The following NFATC2 variants were observed in gnomAD, a reference collection of about 807,000 sequenced individuals.
NFATC2 encodes the protein nuclear factor of activated T-cells, cytoplasmic 2.
NFATC2 carries 22 observed loss-of-function variants against 87.3 expected under a neutral mutation model. The ratio of observed to expected loss-of-function variants is 0.25; its 90% CI spans 0.18 to 0.36. NFATC2 has a LOEUF of 0.36. Among genes scored for constraint, NFATC2 ranks in the 10% least tolerant of loss-of-function variants. NFATC2 has a pLI of 1.00. For synonymous variants in NFATC2, 565 were observed against 542.2 expected (o/e 1.04, Z -0.58); for missense variants, 1,149 against 1,259.1 (o/e 0.91, Z 1.32).
intron 5 of NFATC2, among the ~76,000 whole-genome samples, chr20:51,458,526 C>T (rs961431720): frequency 6.6e-6 from 1 of 151,704 alleles, no homozygotes; most frequent in African/African-American, 2.4e-5. Context: ...AAGCCAGGTG[C>T]GGTGGCTCAC....
chr20:51,487,022 G>T (rs915837135), intron 3 of NFATC2, among the ~76,000 whole-genome samples: 1 of 152,202 alleles, frequency 6.6e-6, no homozygotes. Flanking sequence ...TGAGGCATGC[G>T]CAGTGCTCCC....
intron 6 of NFATC2, chr20:51,453,076 A>G (rs901205931): frequency 1.2e-3 from 193 of 154,720 alleles, no homozygotes; most frequent in African/African-American, 4.4e-3. Flanking sequence ...TCCCTTCCCC[A>G]CTGCCACAGC....
rs376741043 is a variant in NFATC2, at chr20:51,396,984, CTCATCTCCGCCTCCAGGT to C, written c.*44+1641_*44+1658del. 9.5e-3 allele frequency among the ~76,000 whole-genome samples: 1,438 copies of C among 152,080 alleles called. 28 individuals carry two copies. Among genetic ancestry groups the C allele is most frequent in the African/African-American group, 0.034 (1,392 of 41,444 alleles). On this transcript the variant is annotated intron_variant, in intron 10 of 10. Coordinates refer to ENST00000371564, the MANE Select transcript of NFATC2 (RefSeq NM_012340.5). ...CTGGAGTGCAGTGGCGCCATCTCGGCTCATCTCCGCCTCCAGGTTCAAGCGATTCTCCTGCCTCAACCT... is the reference window on the plus strand; with the variant it reads ...CTGGAGTGCAGTGGCGCCATCTCGGCTCAAGCGATTCTCCTGCCTCAACCT...
intron 9 of NFATC2, among the ~76,000 whole-genome samples, chr20:51,403,383 T>C (rs991798430): frequency 6.6e-6 from 1 of 152,174 alleles, no homozygotes; most frequent in Non-Finnish European, 1.5e-5. Context: ...CAGCAAGGAC[T>C]GTATTCATGG....
At chr20:51,458,880 T>C (rs966348880) in intron 5 of NFATC2, among the ~76,000 whole-genome samples, 9 of 152,194 alleles carry the variant, frequency 5.9e-5, no homozygotes. Flanking sequence ...GTACCATCAC[T>C]GCAGGGTAAT....
intron 3 of NFATC2, among the ~76,000 whole-genome samples, chr20:51,496,313 G>C (rs2075987536): frequency 6.6e-6 from 1 of 152,116 alleles, no homozygotes; most frequent in Non-Finnish European, 1.5e-5. Context: ...TTAAAGCCCT[G>C]AGCGTGTCAA....
chr20:51,516,535 A>C (rs1463509419), intron 3 of NFATC2, among the ~76,000 whole-genome samples: 1 of 152,254 alleles, frequency 6.6e-6, no homozygotes, highest in Non-Finnish European at 1.5e-5. Flanking sequence ...CAGAAAGAGA[A>C]GGGAAGAAGC....
At chr20:51,472,735 A>G (rs1988345978) in intron 5 of NFATC2, among the ~76,000 whole-genome samples, 1 of 146,306 alleles carries the variant, frequency 6.8e-6, no homozygotes, top group African/African-American at 2.5e-5. Context: ...TCCCGGATTC[A>G]AGTGATTCTC....
intron 1 of NFATC2, among the ~76,000 whole-genome samples, chr20:51,551,133 T>C (rs973661043): frequency 6.6e-6 from 1 of 152,196 alleles, no homozygotes; most frequent in African/African-American, 2.4e-5. Context: ...ATATAACTTA[T>C]ACACAGATGC....
chr20:51,461,512 G>A (rs1290671438), intron 5 of NFATC2, among the ~76,000 whole-genome samples: 1 of 152,172 alleles, frequency 6.6e-6, no homozygotes, highest in African/African-American at 2.4e-5. Flanking sequence ...TGGCTTGGGG[G>A]GGCTCTTGTA....
intron 2 of NFATC2, among the ~76,000 whole-genome samples, chr20:51,521,330 T>C (rs1435446154): frequency 6.6e-6 from 1 of 151,628 alleles, no homozygotes; most frequent in African/African-American, 2.4e-5. Flanking sequence ...TTATTTTTAT[T>C]TTTTTTTTGA....
At chr20:51,551,072 TC>T (rs375958488) in intron 1 of NFATC2, among the ~76,000 whole-genome samples, 22 of 152,314 alleles carry the variant, frequency 1.4e-4, no homozygotes, top group African/African-American at 5.3e-4. Context: ...AAAAACCATC[TC>T]CCTTCAACGG....
chr20:51,486,247 T>C (rs1396570606), intron 3 of NFATC2, among the ~76,000 whole-genome samples: 3 of 151,720 alleles, frequency 2.0e-5, no homozygotes, highest in African/African-American at 4.8e-5. Flanking sequence ...AAACTGCCCA[T>C]TGCAGCCGAC....
At chr20:51,554,767 T>TGGTGATTAGCTA (rs1325393226) in intron 1 of NFATC2, among the ~76,000 whole-genome samples, 1 of 152,212 alleles carries the variant, frequency 6.6e-6, no homozygotes, top group Admixed American at 6.5e-5. Context: ...TGAGTCATGC[T>TGGTGATTAGCTA]ATTCCTGGGT....
upstream of NFATC2, among the ~76,000 whole-genome samples, chr20:51,544,812 A>G (rs146345439): frequency 9.1e-4 from 139 of 152,296 alleles, no homozygotes; most frequent in Non-Finnish European, 1.6e-3. Flanking sequence ...GATGCTTCCA[A>G]TGTGTGGCCA....
chr20:51,540,658 G>GTTTTTTTTTTTTTTTTTTTTTTTT (rs397864888), intron 1 of NFATC2, among the ~76,000 whole-genome samples: 2 of 110,054 alleles, frequency 1.8e-5, no homozygotes, highest in African/African-American at 7.4e-5. Context: ...TTTTTTTTTT[G>GTTTTTTTTTTTTTTTTTTTTTTTT]TTTTTTTTTT....
At chr20:51,542,759 G>GGGC (rs1190677963), upstream of NFATC2, 1 of 237,098 alleles carries the variant, frequency 4.2e-6, no homozygotes, top group Admixed American at 7.4e-5. Context: ...CGGGGGGGGG[G>GGGC]GGGGCGTGGA....
chr20:51,413,575 T>A (rs148274171), intron 9 of NFATC2, among the ~76,000 whole-genome samples: 29 of 151,972 alleles, frequency 1.9e-4, no homozygotes, highest in Admixed American at 7.2e-4. Context: ...CCGGGCAACA[T>A]AGTGAAACCC....
chr20:51,414,712 G>A (rs1218860194), intron 9 of NFATC2, among the ~76,000 whole-genome samples: 1 of 151,682 alleles, frequency 6.6e-6, no homozygotes, highest in Non-Finnish European at 1.5e-5. Context: ...AAAAGTCACA[G>A]GAGAGCAGGA....
Sources: allele counts gnomAD v4.1 joint callset (sites outside exome capture counted in the v4.1 genomes callset), GRCh38; gene constraint gnomAD v4.1.1; transcripts MANE v1.5; gene names NCBI Gene and HGNC (gene_info 2026-07-23, HGNC 2026-07-21).